Variants in PARP11 observed in about 807,000 individuals in gnomAD.
The protein encoded by PARP11 is poly(ADP-ribose) polymerase family member 11.
A neutral mutation model predicts 42.9 loss-of-function variants in PARP11; 31 were observed. That is an observed-to-expected ratio of 0.72 (90% CI 0.54 to 0.98). The LOEUF is 0.98. Ranked by LOEUF, PARP11 falls within the 50% of genes least tolerant of loss-of-function variation. The probability of loss-of-function intolerance (pLI) is 0.00; values close to 1 mark genes in which losing one functional copy is unlikely to be tolerated. For missense variants in PARP11, 365 were observed against 413.1 expected (o/e 0.88, Z 1.01); for synonymous variants, 137 against 127.3 (o/e 1.08, Z -0.51).
chr12:3,833,631 G>A (rs995269918), intron 1 of PARP11, among the ~76,000 whole-genome samples: 4 of 152,040 alleles, frequency 2.6e-5, no homozygotes, highest in Admixed American at 2.0e-4. Context: ...ATTAAAAACT[G>A]CTGAAAATTT....
At chr12:3,860,798 T>G (rs1289208225) in intron 1 of PARP11, among the ~76,000 whole-genome samples, 1 of 152,198 alleles carries the variant, frequency 6.6e-6, no homozygotes, top group Non-Finnish European at 1.5e-5. Context: ...TGCTTCAGCT[T>G]CCTGAGGAGC....
intron 1 of PARP11, 28 bp from the exon 2 acceptor site, chr12:3,830,046 G>T: frequency 5.6e-6 from 9 of 1,604,236 alleles, no homozygotes; most frequent in Non-Finnish European, 7.7e-6. Context: ...GGTGGAGGAA[G>T]AAATAATTCT....
intron 1 of PARP11, chr12:3,872,675 A>T: frequency 1.0e-6 from 1 of 985,364 alleles, no homozygotes; most frequent in Non-Finnish European, 1.2e-6. Flanking sequence ...AGGCCCATTC[A>T]AGACAAGGGG....
chr12:3,841,686 C>G, intron 1 of PARP11: 2 of 1,613,498 alleles, frequency 1.2e-6, no homozygotes, highest in Admixed American at 1.7e-5. Flanking sequence ...ATATGTTCCC[C>G]CAGCCATCTT....
chr12:3,858,573 T>G (rs1319880490), intron 1 of PARP11, among the ~76,000 whole-genome samples: 1 of 152,198 alleles, frequency 6.6e-6, no homozygotes, highest in Non-Finnish European at 1.5e-5. Context: ...CTCAATCGCT[T>G]CTGATGTTTT....
At chr12:3,859,397 T>C (rs1046275904) in intron 1 of PARP11, among the ~76,000 whole-genome samples, 2 of 151,280 alleles carry the variant, frequency 1.3e-5, no homozygotes, top group African/African-American at 4.9e-5. Context: ...ACCCTGTCTC[T>C]ACTAAAATAC....
At chr12:3,837,424 G>A (rs1291853476) in intron 1 of PARP11, among the ~76,000 whole-genome samples, 1 of 152,118 alleles carries the variant, frequency 6.6e-6, no homozygotes, top group Non-Finnish European at 1.5e-5. Context: ...AAGTCTTGCG[G>A]TAACCATAAT....
rs1947844806 is a variant in PARP11 at position 3,839,528 on chromosome 12, G to A, written c.19-9510C>T. 23 of 1,593,434 alleles carry A rather than the reference G, an allele frequency of 1.4e-5. No homozygotes were observed. In the South Asian group the frequency reaches 2.1e-4, roughly 15 times the overall value. ...TGTATTCACTGTCTTCGAGAGAACAGAGAGAAATTTGAAGCGATTATAGGA... is the reference window on the plus strand; with the variant it reads ...TGTATTCACTGTCTTCGAGAGAACAAAGAGAAATTTGAAGCGATTATAGGA... On this transcript the variant is annotated intron_variant, in intron 1 of 7. Coordinates refer to ENST00000228820, the MANE Select transcript of PARP11 (RefSeq NM_020367.6).
chr12:3,847,126 A>G (rs1275037391), intron 1 of PARP11, among the ~76,000 whole-genome samples: 1 of 152,154 alleles, frequency 6.6e-6, no homozygotes, highest in African/African-American at 2.4e-5. Flanking sequence ...GAGGAAAAAT[A>G]AAGAAAATTA....
chr12:3,812,511 G>T, intron 7 of PARP11, 72 bp from the exon 8 acceptor site: 1 of 1,118,250 alleles, frequency 8.9e-7, no homozygotes, highest in Non-Finnish European at 1.3e-6. Context: ...AAAACATTTT[G>T]TCAGGAGAAT....
At chr12:3,828,037 T>A (rs766399834) in intron 3 of PARP11, among the ~76,000 whole-genome samples, 4 of 152,188 alleles carry the variant, frequency 2.6e-5, no homozygotes, top group African/African-American at 4.8e-5. Flanking sequence ...CATGCCCATA[T>A]AACACAGATG....
intron 1 of PARP11, among the ~76,000 whole-genome samples, chr12:3,857,968 A>G (rs1232150124): frequency 6.6e-6 from 1 of 152,214 alleles, no homozygotes; most frequent in Non-Finnish European, 1.5e-5. Flanking sequence ...AAAGTTTTCA[A>G]AAGTAGTTTA....
intron 1 of PARP11, among the ~76,000 whole-genome samples, chr12:3,849,246 A>G (rs897967301): frequency 2.6e-5 from 4 of 151,636 alleles, no homozygotes; most frequent in African/African-American, 9.7e-5. Flanking sequence ...ATGGAAAATT[A>G]TGGAGGTACC....
Position 3,810,262 on chromosome 12 carries a change from G to T in PARP11, c.*1861C>A, listed in dbSNP as rs572949722. Reference sequence around the variant, plus strand: ...TTAAGAGAAAAGCTTTCTGAAAAAGGCTTGGTATACGTGCTGTCTTTTAAA... The same window carrying T: ...TTAAGAGAAAAGCTTTCTGAAAAAGTCTTGGTATACGTGCTGTCTTTTAAA... On this transcript the variant is annotated 3_prime_UTR_variant, in exon 8 of 8. Coordinates refer to ENST00000228820, the MANE Select transcript of PARP11 (RefSeq NM_020367.6). The T allele has an allele frequency of 6.6e-6, 1 of 152,126 alleles. No individual in the cohort carries two copies. Among genetic ancestry groups the T allele is most frequent in the Non-Finnish European group, 1.5e-5 (1 of 68,022 alleles). The allele number at this position is 152,126 out of a possible 1,614,324, so 9.4% of individuals were successfully genotyped here.
chr12:3,846,366 A>G (rs769572744), intron 1 of PARP11, among the ~76,000 whole-genome samples: 13 of 152,316 alleles, frequency 8.5e-5, no homozygotes, highest in Middle Eastern at 6.8e-3. Context: ...GAATTATTAG[A>G]GACTATTATG....
chr12:3,813,422 A>G (rs1165045375), intron 7 of PARP11, among the ~76,000 whole-genome samples: 1 of 152,112 alleles, frequency 6.6e-6, no homozygotes, highest in East Asian at 1.9e-4. Context: ...AAAGCAGCCA[A>G]CTCTTCTGAA....
chr12:3,852,756 C>T (rs1331533689), intron 1 of PARP11, among the ~76,000 whole-genome samples: 2 of 152,170 alleles, frequency 1.3e-5, no homozygotes, highest in African/African-American at 2.4e-5. Flanking sequence ...GGCAGGCCAA[C>T]ATTCAAATTC....
chr12:3,834,528 G>A (rs970310156), intron 1 of PARP11, among the ~76,000 whole-genome samples: 2 of 151,536 alleles, frequency 1.3e-5, no homozygotes, highest in African/African-American at 2.4e-5. Flanking sequence ...CAGCTACTCA[G>A]GAGGCCGAGA....
intron 1 of PARP11, among the ~76,000 whole-genome samples, chr12:3,835,178 C>A (rs966403240): frequency 6.6e-6 from 1 of 152,164 alleles, no homozygotes; most frequent in Non-Finnish European, 1.5e-5. Flanking sequence ...GCCACACACA[C>A]ATTTAACACT....
Sources: gnomAD v4.1 joint callset for allele counts (sites outside exome capture counted in the v4.1 genomes callset) on GRCh38, gnomAD v4.1.1 for gene constraint, MANE v1.5 for transcripts, NCBI Gene and HGNC (gene_info 2026-07-23, HGNC 2026-07-21) for gene names.